The following ZFPM1 variants were observed in gnomAD, a reference collection of about 807,000 sequenced individuals.
ZFPM1 encodes zinc finger protein, FOG family member 1.
A neutral mutation model predicts 46.3 loss-of-function variants in ZFPM1; 28 were observed. The observed-to-expected ratio is 0.60, with a 90% confidence interval of 0.45 to 0.83. The LOEUF is 0.83. ZFPM1 is among the 40% of genes least tolerant of loss of function. The pLI is 0.00. For missense variants in ZFPM1, 1,878 were observed against 1,432.4 expected (o/e 1.31, Z -5.02); for synonymous variants, 957 against 675.9 (o/e 1.42, Z -6.45).
chr16:88,500,839 G>C (rs1454410021), intron 3 of ZFPM1, among the ~76,000 whole-genome samples: 1 of 152,248 alleles, frequency 6.6e-6, no homozygotes, highest in Non-Finnish European at 1.5e-5. Context: ...CTCGGATCTT[G>C]GCCACCCTGG....
intron 4 of ZFPM1, among the ~76,000 whole-genome samples, chr16:88,522,638 C>G (rs1183887736): frequency 2.6e-5 from 4 of 152,236 alleles, no homozygotes; most frequent in Non-Finnish European, 5.9e-5. Context: ...AAGACACTGA[C>G]CTCTTTGTTG....
intron 1 of ZFPM1, among the ~76,000 whole-genome samples, chr16:88,459,463 T>C (rs1567524612): frequency 6.6e-6 from 1 of 152,124 alleles, no homozygotes; most frequent in Non-Finnish European, 1.5e-5. Flanking sequence ...AGCACTGTTG[T>C]AAGAATGGAA....
intron 3 of ZFPM1, among the ~76,000 whole-genome samples, chr16:88,505,635 A>G (rs1455758219): frequency 6.6e-6 from 1 of 152,018 alleles, no homozygotes; most frequent in Non-Finnish European, 1.5e-5. Context: ...CTGAGGCATC[A>G]CCATACCTGG....
intron 3 of ZFPM1, among the ~76,000 whole-genome samples, chr16:88,500,770 G>A (rs780223974): frequency 6.6e-6 from 1 of 152,222 alleles, no homozygotes; most frequent in East Asian, 1.9e-4. Context: ...GGCTCCCTGG[G>A]GCTGCTGGGG....
In ZFPM1 at chr16:88,532,879, C is replaced by T. The variant is rs574336008; in HGVS notation, c.1133C>T (p.Ser378Phe). The stretch of plus-strand genomic sequence containing the variant: ...AACCACATGGTCTGCCAGCCTGGCT[C>T]CAAGGGTGAGATCTACTCGCCAGGG... ...VTNHMVCQPG[S>F]KGEIYSPGAG... The change falls in exon 9 of 10, where the codon TCC becomes TTC. Residue 378 changes from serine (S) to phenylalanine (F), a missense_variant. Coordinates refer to ENST00000319555, the MANE Select transcript of ZFPM1 (RefSeq NM_153813.3). The T allele has an allele frequency of 4.3e-6, 7 of 1,613,418 alleles. No individual in the cohort carries two copies. The East Asian group carries it at 1.1e-4, about 26-fold the overall frequency.
intron 1 of ZFPM1, among the ~76,000 whole-genome samples, chr16:88,465,099 C>T (rs1026846544): frequency 1.3e-5 from 2 of 152,244 alleles, no homozygotes; most frequent in Admixed American, 1.3e-4. Flanking sequence ...TTCTCCCAGC[C>T]TCTTTTGGCC....
In ZFPM1 at chr16:88,497,546, C is replaced by A. The variant is rs1175101495; in HGVS notation, c.268+8393C>A. Among the ~76,000 whole-genome samples, 117 of 98,334 alleles carry A rather than the reference C, an allele frequency of 1.2e-3. No individual in the cohort carries two copies. Among genetic ancestry groups the A allele is most frequent in the African/African-American group, 4.6e-3 (113 of 24,778 alleles). 64.5% of individuals were successfully genotyped at this position (98,334 alleles called of 152,430 possible). Reference sequence around the variant, plus strand: ...GGGCCCGGGCGGGGATGGGGTTCAGCGGGGTCAGGGCGGGGGCTCAGTGCC... The same window carrying A: ...GGGCCCGGGCGGGGATGGGGTTCAGAGGGGTCAGGGCGGGGGCTCAGTGCC... On this transcript the variant is annotated intron_variant, in intron 3 of 9. Coordinates refer to ENST00000319555, the MANE Select transcript of ZFPM1 (RefSeq NM_153813.3). The surrounding 1 kb of genome is among the most constrained non-coding windows in gnomAD (Gnocchi z 5.4).
chr16:88,491,722 A>C (rs1909587935), intron 3 of ZFPM1, among the ~76,000 whole-genome samples: 1 of 152,184 alleles, frequency 6.6e-6, no homozygotes. Context: ...TGCTGTGTGC[A>C]TCCTCAGGAC....
chr16:88,532,559 G>A (rs1912874907), intron 7 of ZFPM1, 55 bp from the exon 8 acceptor site: 1 of 1,521,950 alleles, frequency 6.6e-7, no homozygotes, highest in South Asian at 1.2e-5. Context: ...CCTCATCCCT[G>A]GAGTCCCAAG....
chr16:88,532,646 T>C lies in ZFPM1; in HGVS notation c.979T>C (p.Ser327Pro). The change falls in exon 8 of 10, where the codon TCG becomes CCG. Residue 327 changes from serine to proline, a missense_variant. Coordinates refer to ENST00000319555, the MANE Select transcript of ZFPM1 (RefSeq NM_153813.3). ...GCCCTTCGTGTGCCTGATCTGCCTGTCGGCCTTCACCACCAAGGCCAACTG... is the reference window on the plus strand; with the variant it reads ...GCCCTTCGTGTGCCTGATCTGCCTGCCGGCCTTCACCACCAAGGCCAACTG... Reference protein sequence around the residue: ...ERPFVCLICLSAFTTKANCER... With the variant: ...ERPFVCLICLPAFTTKANCER... The C allele has an allele frequency of 6.3e-7, 1 of 1,589,596 alleles. No homozygotes were observed. The highest frequency in any genetic ancestry group is 8.6e-7 in the Non-Finnish European group (1 of 1,167,970).
intron 3 of ZFPM1, among the ~76,000 whole-genome samples, chr16:88,508,772 C>T (rs866910007): frequency 1.3e-5 from 2 of 152,330 alleles, no homozygotes; most frequent in Middle Eastern, 3.4e-3. Flanking sequence ...TCTCTCTGTC[C>T]TGGGGCCTCA....
Position 88,456,584 on chromosome 16 carries a change from G to A in ZFPM1, c.40+2906G>A, listed in dbSNP as rs147706224. 6.6e-3 allele frequency among the ~76,000 whole-genome samples: 1,003 copies of A among 152,272 alleles called. 9 individuals are homozygous for A. Among genetic ancestry groups the A allele is most frequent in the African/African-American group, 0.021 (880 of 41,550 alleles). ...GGCAGCCAAGGGGAGCAGGGGGCAC[G>A]TCAGGTGGTCAGGGACACTTCTTGG... On this transcript the variant is annotated intron_variant, in intron 1 of 9. Transcript: ENST00000319555.
intron 9 of ZFPM1, 33 bp from the exon 10 acceptor site, chr16:88,533,115 G>A: frequency 7.0e-7 from 1 of 1,431,198 alleles, no homozygotes; most frequent in Non-Finnish European, 9.2e-7. Flanking sequence ...CCTGCCCCAG[G>A]CCTGAGGTGC....
In ZFPM1 at chr16:88,533,241, T is replaced by A. The variant is rs1006654788; in HGVS notation, c.1283T>A (p.Leu428Gln). Residue 428 changes from leucine (L) to glutamine (Q), a missense_variant, in exon 10 of 10, where the codon CTG becomes CAG. Transcript: ENST00000319555. ...CTGGCGCCCACCCCATCGCCAGGAC[T>A]GGACAGAAAGGCCCTGGCCGAGGCC... ...LGLAPTPSPGLDRKALAEATN... is the reference protein window; with the variant it reads ...LGLAPTPSPGQDRKALAEATN... 17 of 1,562,004 alleles carry A rather than the reference T, an allele frequency of 1.1e-5. 1 individual carries two copies. Among genetic ancestry groups the A allele is most frequent in the Middle Eastern group, 1.7e-4 (1 of 6,010 alleles).
intron 3 of ZFPM1, 52 bp downstream of exon 3, chr16:88,489,205 C>T: frequency 6.5e-7 from 1 of 1,538,850 alleles, no homozygotes; most frequent in Non-Finnish European, 8.8e-7. Flanking sequence ...GCAGCCTGGC[C>T]CGGCCCCTGG....
chr16:88,481,357 G>A (rs111936501), intron 1 of ZFPM1, among the ~76,000 whole-genome samples: 3 of 152,284 alleles, frequency 2.0e-5, no homozygotes, highest in African/African-American at 7.2e-5. Context: ...GTCTGGCTCG[G>A]GGAAGGGCTA....
Position 88,532,143 on chromosome 16 carries a change from C to T in ZFPM1, c.854C>T (p.Thr285Ile). ...AAATDEKPKETYPNERVCPFP... is the reference protein window; with the variant it reads ...AAATDEKPKEIYPNERVCPFP... ...GCCACAGACGAGAAGCCCAAAGAGA[C>T]CTACCCCAACGAGCGCGTCTGCCCC... The change falls in exon 7 of 10, where the codon ACC becomes ATC. Residue 285 changes from threonine to isoleucine, a missense_variant. Transcript: ENST00000319555. The T allele has an allele frequency of 6.2e-7, 1 of 1,612,658 alleles. No homozygotes were observed. The highest frequency in any genetic ancestry group is 8.5e-7 in the Non-Finnish European group (1 of 1,179,802).
Position 88,453,657 on chromosome 16 carries a change from A to G in ZFPM1, c.19A>G (p.Ser7Gly). The G allele has an allele frequency of 1.7e-6, 2 of 1,193,274 alleles. No individual in the cohort carries two copies. Among genetic ancestry groups the G allele is most frequent in the East Asian group, 7.0e-5 (1 of 14,306 alleles). 73.9% of individuals were successfully genotyped at this position (1,193,274 alleles called of 1,614,324 possible). The change falls in exon 1 of 10, where the codon AGC becomes GGC. Residue 7 changes from serine (S) to glycine (G), a missense_variant. Transcript: ENST00000319555. Reference sequence around the variant, plus strand: ...CGGAGACATGTCCAGGCGGAAACAGAGCAACCCCCGGCAGATCAAGCGTGA... The same window carrying G: ...CGGAGACATGTCCAGGCGGAAACAGGGCAACCCCCGGCAGATCAAGCGTGA... MSRRKQ[S>G]NPRQIKRSLG... is the part of the protein sequence containing the mutation.
chr16:88,512,184 G>T (rs529544949), intron 3 of ZFPM1, among the ~76,000 whole-genome samples: 18 of 152,220 alleles, frequency 1.2e-4, no homozygotes, highest in Non-Finnish European at 2.4e-4. Context: ...CCGTTTGCCT[G>T]TGGGTGCCTC....
Sources: gnomAD v4.1 joint callset for allele counts (sites outside exome capture counted in the v4.1 genomes callset) on GRCh38, gnomAD v4.1.1 for gene constraint, Gnocchi (gnomAD v3.1) non-coding constraint, MANE v1.5 for transcripts, NCBI Gene and HGNC (gene_info 2026-07-23, HGNC 2026-07-21) for gene names.